ELAPOR1: variants seen among roughly 807,000 people sequenced by gnomAD.
ELAPOR1 encodes the protein endosome/lysosome-associated apoptosis and autophagy regulator 1.
ELAPOR1 carries 77 observed loss-of-function variants against 119.7 expected under a neutral mutation model. The observed-to-expected ratio is 0.64, with a 90% CI of 0.54 to 0.78. The LOEUF (loss-of-function observed/expected upper bound fraction) is 0.78, where lower values mean the gene tolerates loss of function less well. Ranked by LOEUF, ELAPOR1 falls within the 30% of genes least tolerant of loss-of-function variation. The pLI, the probability that ELAPOR1 is intolerant of heterozygous loss-of-function variation, is 0.00. For missense variants in ELAPOR1, 1,115 were observed against 1,270.4 expected, an observed-to-expected ratio of 0.88 and a Z score of 1.86; for synonymous variants, 481 against 487.2, an observed-to-expected ratio of 0.99 and a Z score of 0.17.
At chr1:109,142,383 A>G (rs1394656419) in intron 1 of ELAPOR1, among the ~76,000 whole-genome samples, 1 of 152,216 alleles carries the variant, frequency 6.6e-6, no homozygotes, top group East Asian at 1.9e-4. Flanking sequence ...ATGCTTAACA[A>G]CTGGCTCTCT....
rs757198602 is a variant in ELAPOR1 at position 109,185,104 on chromosome 1, A to G, written c.1012A>G (p.Thr338Ala). The G allele has an allele frequency of 9.3e-6, 15 of 1,614,150 alleles. No individual in the cohort carries two copies. Among genetic ancestry groups the G allele is most frequent in the South Asian group, 5.5e-5 (5 of 91,078 alleles). Residue 338 changes from threonine to alanine, a missense_variant, in exon 8 of 22, where the codon ACA becomes GCA. Coordinates refer to ENST00000369939, the MANE Select transcript of ELAPOR1 (RefSeq NM_020775.5). Reference sequence around the variant, plus strand: ...TTGCACAGACAAAGATTATTTCTACACACACACGGCCTGCGATGCCAACGG... The same window carrying G: ...TTGCACAGACAAAGATTATTTCTACGCACACACGGCCTGCGATGCCAACGG... ...PACTDKDYFY[T>A]HTACDANGET...
At chr1:109,169,359 C>T (rs1005912697) in intron 3 of ELAPOR1, among the ~76,000 whole-genome samples, 11 of 152,146 alleles carry the variant, frequency 7.2e-5, no homozygotes, top group Non-Finnish European at 1.5e-4. Context: ...CCTGCCTCAG[C>T]CTCCTGAGGA....
rs1330182788 is a variant in ELAPOR1, at chr1:109,204,768, G to A, written c.*1756G>A. 6.6e-6 allele frequency: 1 copy of A among 152,266 alleles called. No individual in the cohort carries two copies. Among genetic ancestry groups the A allele is most frequent in the African/African-American group, 2.4e-5 (1 of 41,436 alleles). The allele number at this position is 152,266 out of a possible 1,614,324, so 9.4% of individuals were successfully genotyped here. A position where few individuals can be genotyped will look rare whatever the true frequency, so the allele number is the denominator to read the frequency against. On this transcript the variant is annotated 3_prime_UTR_variant, in exon 22 of 22. Transcript: ENST00000369939. ...TCTTCAAGGAAGGAAGGCTAGGAGA[G>A]TTTAACAAGATTTTCACTGGGCCCA...
chr1:109,180,310 C>G (rs913440641), intron 7 of ELAPOR1, among the ~76,000 whole-genome samples: 70 of 152,246 alleles, frequency 4.6e-4, no homozygotes, highest in African/African-American at 1.6e-3. Context: ...CCACCTTGGG[C>G]AAATTACTTA....
intron 8 of ELAPOR1, chr1:109,187,860 T>C: frequency 9.4e-7 from 1 of 1,060,648 alleles, no homozygotes; most frequent in Non-Finnish European, 1.1e-6. Flanking sequence ...TTGGTAGCAA[T>C]AAGATTCTAC....
At chr1:109,151,768 A>G (rs958835635) in intron 1 of ELAPOR1, among the ~76,000 whole-genome samples, 2 of 152,160 alleles carry the variant, frequency 1.3e-5, no homozygotes, top group Non-Finnish European at 2.9e-5. Flanking sequence ...GGTCTGGGTC[A>G]GGTACTTTCC....
intron 1 of ELAPOR1, among the ~76,000 whole-genome samples, chr1:109,122,670 A>G (rs1362186985): frequency 6.6e-6 from 1 of 151,700 alleles, no homozygotes; most frequent in African/African-American, 2.4e-5. Context: ...TTAAAAAAAA[A>G]AAGAGACTGG....
rs1447453093 is a variant in ELAPOR1, at chr1:109,114,117, C to T, written c.-67C>T. 10 of 1,441,640 alleles carry T rather than the reference C, an allele frequency of 6.9e-6. No individual in the cohort carries two copies. In the African/African-American group the frequency reaches 1.3e-4, roughly 19 times the overall value. 89.3% of individuals were successfully genotyped at this position (1,441,640 alleles called of 1,614,324 possible). A position where few individuals can be genotyped will look rare whatever the true frequency, so the allele number is the denominator to read the frequency against. ...TGTACCTCCCTCCCCTTTTTTTCCG[C>T]CTTCTGCCAGCAGAAGCAGCAGCCG... On this transcript the variant is annotated 5_prime_UTR_variant, in exon 1 of 22. Transcript: ENST00000369939.
intron 1 of ELAPOR1, among the ~76,000 whole-genome samples, chr1:109,135,790 A>T (rs147901231): frequency 1.4e-3 from 217 of 151,996 alleles, no homozygotes; most frequent in African/African-American, 4.9e-3. Context: ...AATCATATCT[A>T]CTCCATAGAG....
chr1:109,120,616 T>G (rs1648344580), intron 1 of ELAPOR1, among the ~76,000 whole-genome samples: 2 of 152,134 alleles, frequency 1.3e-5, no homozygotes, highest in African/African-American at 4.8e-5. Flanking sequence ...TATTTTGTTA[T>G]AGCAGACCAA....
At chr1:109,127,866 CT>C (rs112344650) in intron 1 of ELAPOR1, among the ~76,000 whole-genome samples, 10,842 of 141,504 alleles carry the variant, frequency 0.077, 449 homozygotes, top group African/African-American at 0.11. Context: ...ACCCGGCCTG[CT>C]TTTTTTTTTT....
At chr1:109,189,462 G>C in intron 10 of ELAPOR1, 130 bp from the exon 11 acceptor site, 1 of 880,154 alleles carries the variant, frequency 1.1e-6, no homozygotes, top group Non-Finnish European at 1.8e-6. Context: ...AAGTAACACG[G>C]TTCATGTTCA....
intron 1 of ELAPOR1, among the ~76,000 whole-genome samples, chr1:109,161,268 G>A (rs1282587467): frequency 6.6e-6 from 1 of 152,014 alleles, no homozygotes; most frequent in Admixed American, 6.6e-5. Flanking sequence ...AAATTAGCCT[G>A]GCGTGGTGGC....
intron 7 of ELAPOR1, among the ~76,000 whole-genome samples, chr1:109,175,479 G>A (rs1273203569): frequency 6.6e-6 from 1 of 150,690 alleles, no homozygotes; most frequent in Admixed American, 6.6e-5. Flanking sequence ...TGGGTTACAG[G>A]TGTGAGCCAC....
intron 11 of ELAPOR1, among the ~76,000 whole-genome samples, chr1:109,190,760 G>A (rs988240943): frequency 5.3e-5 from 8 of 152,090 alleles, no homozygotes; most frequent in Admixed American, 2.0e-4. Flanking sequence ...ACCCCAGCCC[G>A]CTTGGGCATG....
chr1:109,198,780 G>A, intron 18 of ELAPOR1, 106 bp downstream of exon 18: 1 of 1,017,086 alleles, frequency 9.8e-7, no homozygotes, highest in Non-Finnish European at 1.5e-6. Context: ...AAGAGTTTGA[G>A]ATCCATTAAT....
chr1:109,163,104 G>A (rs958090190), intron 2 of ELAPOR1, among the ~76,000 whole-genome samples: 5 of 152,240 alleles, frequency 3.3e-5, no homozygotes, highest in Non-Finnish European at 7.3e-5. Flanking sequence ...TGAGAGTTAC[G>A]AATATTTAGG....
intron 17 of ELAPOR1, 73 bp from the exon 18 acceptor site, chr1:109,198,500 G>A: frequency 1.5e-6 from 2 of 1,369,550 alleles, no homozygotes; most frequent in East Asian, 2.4e-5. Context: ...GCTCCATGCG[G>A]ATTTCTCTTG....
At chr1:109,160,920 T>C (rs1324033396) in intron 1 of ELAPOR1, among the ~76,000 whole-genome samples, 1 of 152,252 alleles carries the variant, frequency 6.6e-6, no homozygotes, top group Non-Finnish European at 1.5e-5. Context: ...TACTTAATGC[T>C]TGATTTGGTT....
Sources: gnomAD v4.1 joint callset for allele counts (sites outside exome capture counted in the v4.1 genomes callset) on GRCh38, gnomAD v4.1.1 for gene constraint, MANE v1.5 for transcripts, NCBI Gene and HGNC (gene_info 2026-07-23, HGNC 2026-07-21) for gene names.